Variants in WDPCP observed in about 807,000 individuals in gnomAD.
WDPCP encodes the protein WD repeat-containing and planar cell polarity effector protein fritz homolog.
A neutral mutation model predicts 93.1 loss-of-function variants in WDPCP; 71 were observed. The observed-to-expected ratio is 0.76, with a 90% CI of 0.63 to 0.93. The LOEUF (loss-of-function observed/expected upper bound fraction) is 0.93, where lower values mean the gene tolerates loss of function less well. Ranked by LOEUF, WDPCP falls within the 40% of genes least tolerant of loss-of-function variation. The probability of loss-of-function intolerance (pLI) is 0.00; values close to 1 mark genes in which losing one functional copy is unlikely to be tolerated. For synonymous variants in WDPCP, 315 were observed against 315.0 expected, an observed-to-expected ratio of 1.00 and a Z score of 0.00; for missense variants, 844 against 887.4, an observed-to-expected ratio of 0.95 and a Z score of 0.62.
In WDPCP at chr2:63,172,875, C is replaced by G. The variant is rs570016634; in HGVS notation, c.2078+1795G>C. The stretch of plus-strand genomic sequence containing the variant: ...GGGAAAAGGCAGAAAGAGAGGGGCA[C>G]TTTTGGCATTTGGGTGTGAAGGAAG... On this transcript the variant is annotated intron_variant, in intron 15 of 17. Transcript: ENST00000272321. Among the ~76,000 whole-genome samples the G allele has an allele frequency of 2.0e-5, 3 of 152,114 alleles. No individual in the cohort carries two copies. In the South Asian group the frequency reaches 6.2e-4, roughly 32 times the overall value.
At chr2:63,457,707 A>T (rs963814968) in intron 6 of WDPCP, among the ~76,000 whole-genome samples, 1 of 152,202 alleles carries the variant, frequency 6.6e-6, no homozygotes, top group Non-Finnish European at 1.5e-5. Context: ...CAAAAATTAT[A>T]TGATCATCTC....
intron 12 of WDPCP, among the ~76,000 whole-genome samples, chr2:63,362,532 G>T (rs1690564085): frequency 6.6e-6 from 1 of 151,968 alleles, no homozygotes; most frequent in South Asian, 2.1e-4. Flanking sequence ...AGCTCTGCTT[G>T]TCCCCTGTGG....
At chr2:63,809,490 G>C (rs1209934308) in intron 2 of WDPCP, among the ~76,000 whole-genome samples, 1 of 152,264 alleles carries the variant, frequency 6.6e-6, no homozygotes, top group African/African-American at 2.4e-5. Flanking sequence ...GTGGGGAAAA[G>C]ATTGAGAAAT....
At chr2:63,828,318 G>C (rs755154367), upstream of WDPCP, among the ~76,000 whole-genome samples, 1 of 151,940 alleles carries the variant, frequency 6.6e-6, no homozygotes, top group Non-Finnish European at 1.5e-5. Flanking sequence ...TCAAACCTCT[G>C]CTCCAACTAT....
intron 1 of WDPCP, among the ~76,000 whole-genome samples, chr2:63,529,985 G>A (rs907235747): frequency 6.6e-6 from 1 of 152,162 alleles, no homozygotes; most frequent in Non-Finnish European, 1.5e-5. Context: ...GTTTATTTGT[G>A]TAGAGGTGTT....
intron 13 of WDPCP, among the ~76,000 whole-genome samples, chr2:63,279,522 T>G (rs1683348715): frequency 6.6e-6 from 1 of 152,166 alleles, no homozygotes; most frequent in African/African-American, 2.4e-5. Flanking sequence ...GGGGAAAAGT[T>G]GAAAGCATTC....
At chr2:63,147,748 C>A (rs890829699) in intron 17 of WDPCP, among the ~76,000 whole-genome samples, 7 of 152,042 alleles carry the variant, frequency 4.6e-5, no homozygotes, top group African/African-American at 1.7e-4. Flanking sequence ...GTGGGCAGAT[C>A]ACTTGAGCTC....
intron 6 of WDPCP, among the ~76,000 whole-genome samples, chr2:63,445,906 T>G (rs1193764187): frequency 6.6e-6 from 1 of 152,168 alleles, no homozygotes; most frequent in African/African-American, 2.4e-5. Flanking sequence ...GTATGCAAGT[T>G]TTAAAAACAA....
intron 3 of WDPCP, among the ~76,000 whole-genome samples, chr2:63,644,807 T>C (rs2106634532): frequency 6.6e-6 from 1 of 152,296 alleles, no homozygotes; most frequent in African/African-American, 2.4e-5. Flanking sequence ...TAGTTGCTCA[T>C]ATAGCTACTA....
chr2:63,419,246 A>C (rs1410434404), intron 9 of WDPCP, among the ~76,000 whole-genome samples: 1 of 152,200 alleles, frequency 6.6e-6, no homozygotes, highest in African/African-American at 2.4e-5. Flanking sequence ...GGGTTCAAGC[A>C]ATTCTCTGCC....
intron 6 of WDPCP, among the ~76,000 whole-genome samples, chr2:63,458,189 G>T (rs1202006960): frequency 6.9e-6 from 1 of 144,312 alleles, no homozygotes; most frequent in African/African-American, 2.6e-5. Flanking sequence ...ATTCCTAATC[G>T]ACATAGTACT....
At chr2:63,278,465 T>A (rs914422787) in intron 13 of WDPCP, among the ~76,000 whole-genome samples, 7 of 151,990 alleles carry the variant, frequency 4.6e-5, no homozygotes, top group African/African-American at 1.7e-4. Context: ...ATACAAAAGA[T>A]AAATAAAACA....
chr2:63,667,655 C>T (rs1710299071), intron 2 of WDPCP, among the ~76,000 whole-genome samples: 1 of 152,102 alleles, frequency 6.6e-6, no homozygotes, highest in Non-Finnish European at 1.5e-5. Flanking sequence ...TCTAGAAAGC[C>T]TCTGTGGGTC....
chr2:63,612,871 G>T (rs746655375), intron 3 of WDPCP, among the ~76,000 whole-genome samples: 1 of 151,606 alleles, frequency 6.6e-6, no homozygotes, highest in Non-Finnish European at 1.5e-5. Flanking sequence ...GGCAGGTAGG[G>T]GAAAAATGTT....
At chr2:63,689,157 T>A (rs1668855055) in intron 2 of WDPCP, among the ~76,000 whole-genome samples, 1 of 152,196 alleles carries the variant, frequency 6.6e-6, no homozygotes, top group African/African-American at 2.4e-5. Context: ...TTGTGGAAAG[T>A]GGCAAAGCAT....
rs181541891 is a variant in WDPCP at position 63,348,133 on chromosome 2, T to C, written c.1748+30253A>G. ...ACATGCTAGTCACTTTATTATTTAT[T>C]ATTTATAATCTTGGCATTTAATTAA... On this transcript the variant is annotated intron_variant, in intron 12 of 17. Coordinates refer to ENST00000272321, the MANE Select transcript of WDPCP (RefSeq NM_015910.7). Among the ~76,000 whole-genome samples the C allele has an allele frequency of 5.7e-3, 862 of 152,320 alleles. 8 individuals are homozygous for C. Among genetic ancestry groups the C allele is most frequent in the Middle Eastern group, 6.8e-3 (2 of 294 alleles).
In WDPCP at chr2:63,797,164, CT is replaced by C. The variant is rs777199671; in HGVS notation, n.308+16457del. On this transcript the variant is annotated intron_variant and non_coding_transcript_variant, in intron 2 of 4. Coordinates refer to the WDPCP transcript ENST00000467687. Reference sequence around the variant, plus strand: ...CTGTTAACTAAACAGATCTTGGACTCTGAATAATCAGCAGCACTACCTAGGG... The same window carrying C: ...CTGTTAACTAAACAGATCTTGGACTCGAATAATCAGCAGCACTACCTAGGG... Among the ~76,000 whole-genome samples, 3 of 152,132 alleles carry C rather than the reference CT, an allele frequency of 2.0e-5. No individual in the cohort carries two copies. The East Asian group carries it at 5.8e-4, about 29-fold the overall frequency.
At chr2:63,371,453 T>G (rs1691377336) in intron 12 of WDPCP, among the ~76,000 whole-genome samples, 1 of 151,928 alleles carries the variant, frequency 6.6e-6, no homozygotes, top group South Asian at 2.1e-4. Context: ...ATCTATTGAG[T>G]TCCCCTATTA....
intron 1 of WDPCP, among the ~76,000 whole-genome samples, chr2:63,555,839 C>A (rs1706075044): frequency 6.6e-6 from 1 of 152,114 alleles, no homozygotes; most frequent in Admixed American, 6.5e-5. Context: ...CCCCAAAAAA[C>A]CCCATGCAAA....
Sources: allele counts gnomAD v4.1 joint callset (sites outside exome capture counted in the v4.1 genomes callset), GRCh38; gene constraint gnomAD v4.1.1; transcripts MANE v1.5; gene names NCBI Gene and HGNC (gene_info 2026-07-23, HGNC 2026-07-21).